CD84: variants seen among roughly 807,000 people sequenced by gnomAD.
The protein encoded by CD84 is CD84 molecule, also known as SLAM family member 5.
CD84 carries 22 observed loss-of-function variants against 33.8 expected under a neutral mutation model. That is an observed-to-expected ratio of 0.65 (90% confidence interval 0.46 to 0.93). The LOEUF is 0.93. Among genes scored for constraint, CD84 ranks in the 40% least tolerant of loss-of-function variants. CD84 has a pLI of 0.00. For missense variants in CD84, 400 were observed against 397.6 expected, an observed-to-expected ratio of 1.01 and a Z score of -0.05; for synonymous variants, 154 against 145.2, an observed-to-expected ratio of 1.06 and a Z score of -0.44.
chr1:160,551,952 A>G (rs1656259106), intron 4 of CD84, among the ~76,000 whole-genome samples: 2 of 152,240 alleles, frequency 1.3e-5, no homozygotes, highest in African/African-American at 4.8e-5. Context: ...TTAAGAATGT[A>G]TAGGCTAGAA....
At chr1:160,557,503 A>G (rs1180504608) in intron 2 of CD84, among the ~76,000 whole-genome samples, 1 of 152,222 alleles carries the variant, frequency 6.6e-6, no homozygotes, top group African/African-American at 2.4e-5. Flanking sequence ...CATCTGTCAC[A>G]ACATGGATTA....
chr1:160,576,821 C>T (rs1658015649), intron 1 of CD84, among the ~76,000 whole-genome samples: 1 of 152,064 alleles, frequency 6.6e-6, no homozygotes, highest in Non-Finnish European at 1.5e-5. Flanking sequence ...CTGTAGACTA[C>T]TTAGAGTAAT....
At chr1:160,566,709 T>A (rs1335059111) in intron 1 of CD84, among the ~76,000 whole-genome samples, 1 of 152,180 alleles carries the variant, frequency 6.6e-6, no homozygotes, top group Non-Finnish European at 1.5e-5. Flanking sequence ...GCACAAAATA[T>A]GTAAGCATTA....
chr1:160,550,620 G>C, intron 5 of CD84: 1 of 985,340 alleles, frequency 1.0e-6, no homozygotes, highest in Non-Finnish European at 1.2e-6. Context: ...CCTCACTCCA[G>C]TAGCTCCTCT....
chr1:160,546,390 C>T lies in CD84; in HGVS notation c.*1866G>A, dbSNP rs1655832757. The T allele has an allele frequency of 6.6e-6, 1 of 152,108 alleles. No homozygotes were observed. The highest frequency in any genetic ancestry group is 1.5e-5 in the Non-Finnish European group (1 of 68,036). The allele number at this position is 152,108 out of a possible 1,614,324, so 9.4% of individuals were successfully genotyped here. ...GAGATGAGTTTTAGTGATAGAAGGA[C>T]CAAAGAGGAAAAAACAGCAGTGTGA... On this transcript the variant is annotated 3_prime_UTR_variant, in exon 7 of 7. Coordinates refer to ENST00000368054, the MANE Select transcript of CD84 (RefSeq NM_003874.4).
rs76128071 is a variant in CD84 at position 160,571,916 on chromosome 1, T to C, written c.47-6171A>G. On this transcript the variant is annotated intron_variant, in intron 1 of 6. Coordinates refer to ENST00000368054, the MANE Select transcript of CD84 (RefSeq NM_003874.4). ...AAGATACACAGGCTACTAATGCTTG[T>C]CATGGAACAAAAGATGGAAAGGAAA... Among the ~76,000 whole-genome samples the C allele has an allele frequency of 8.8e-3, 1,339 of 152,048 alleles. 14 individuals carry two copies. Among genetic ancestry groups the C allele is most frequent in the African/African-American group, 0.031 (1,280 of 41,452 alleles).
In CD84 at chr1:160,550,583, A is replaced by C. The variant is rs965603390; in HGVS notation, c.858+355T>G. On this transcript the variant is annotated intron_variant, in intron 5 of 6. Coordinates refer to ENST00000368054, the MANE Select transcript of CD84 (RefSeq NM_003874.4). ...TAGCCCCCTTAGCAACCTGTTCACC[A>C]CGTTGGTAGTCACATAGCAGCCCTC... 28 of 979,252 alleles carry C rather than the reference A, an allele frequency of 2.9e-5. No individual in the cohort carries two copies. In the African/African-American group the frequency reaches 4.6e-4, roughly 16 times the overall value. 60.7% of individuals were successfully genotyped at this position (979,252 alleles called of 1,614,324 possible).
rs1367359132 is a variant in CD84, at chr1:160,545,271, G to C, written c.*2985C>G. On this transcript the variant is annotated 3_prime_UTR_variant, in exon 7 of 7. Transcript: ENST00000368054. ...TTTATTTTTGACAATATGCATAGGG[G>C]CATTAGGACACTAGTAATTTTACTT... The C allele has an allele frequency of 6.6e-6, 1 of 152,182 alleles. No individual in the cohort carries two copies. Among genetic ancestry groups the C allele is most frequent in the Non-Finnish European group, 1.5e-5 (1 of 68,030 alleles). The allele number at this position is 152,182 out of a possible 1,614,324, so 9.4% of individuals were successfully genotyped here.
At chr1:160,568,739 G>C (rs1209204253) in intron 1 of CD84, among the ~76,000 whole-genome samples, 1 of 150,460 alleles carries the variant, frequency 6.6e-6, no homozygotes, top group Non-Finnish European at 1.5e-5. Context: ...TCCTGCCTCA[G>C]CCACCCAAGT....
Position 160,548,258 on chromosome 1 carries a change from A to G in CD84, c.985T>C (p.Ter329GlnextTer11), listed in dbSNP as rs751967552. The G allele has an allele frequency of 1.2e-6, 2 of 1,614,148 alleles. No homozygotes were observed. Among genetic ancestry groups the G allele is most frequent in the Non-Finnish European group, 1.7e-6 (2 of 1,180,000 alleles). Residue 329 changes from the stop codon to glutamine, a stop_lost, in exon 7 of 7, where the codon TAG (stop) becomes CAG (glutamine). Coordinates refer to ENST00000368054, the MANE Select transcript of CD84 (RefSeq NM_003874.4). ...GAGGGAGAATTCAGCCCAGCAGCCT[A>G]GATCACAATTTCATAGCTTGAAGTC... The part of the protein sequence containing the change: ...PGTSSYEIVI[*>Q]
At chr1:160,561,525 G>A (rs1656963441) in intron 2 of CD84, among the ~76,000 whole-genome samples, 1 of 152,140 alleles carries the variant, frequency 6.6e-6, no homozygotes, top group African/African-American at 2.4e-5. Flanking sequence ...AAAATAATAA[G>A]AGCCACATAT....
At chr1:160,550,808 C>T in intron 5 of CD84, 130 bp downstream of exon 5, 2 of 1,530,504 alleles carry the variant, frequency 1.3e-6, no homozygotes, top group Admixed American at 2.1e-5. Flanking sequence ...CATGGTATTT[C>T]CTGGTTGGAA....
At position 160,547,997 on chromosome 1, in the gene CD84, A is replaced by C. The variant is rs1043401431; in HGVS notation, c.*259T>G. On this transcript the variant is annotated 3_prime_UTR_variant, in exon 7 of 7. Coordinates refer to ENST00000368054, the MANE Select transcript of CD84 (RefSeq NM_003874.4). ...ATTTTCTACATGTGCTATGATGGGA[A>C]GAAGTTTGGGAAAACTATACTAGGT... 11 of 510,892 alleles carry C rather than the reference A, an allele frequency of 2.2e-5. No individual in the cohort carries two copies. In the Admixed American group the frequency reaches 3.3e-4, roughly 15 times the overall value. 31.6% of individuals were successfully genotyped at this position (510,892 alleles called of 1,614,324 possible). A position where few individuals can be genotyped will look rare whatever the true frequency, so the allele number is the denominator to read the frequency against.
At position 160,543,921 on chromosome 1, in the gene CD84, C is replaced by T. The variant is rs1655674748; in HGVS notation, c.*4335G>A. ...GAACTTTGCCATGCACAGGCACATT[C>T]CTGTATGAGCAACACCTCATTTAAT... On this transcript the variant is annotated 3_prime_UTR_variant, in exon 7 of 7. Coordinates refer to ENST00000368054, the MANE Select transcript of CD84 (RefSeq NM_003874.4). The T allele has an allele frequency of 1.3e-5, 2 of 152,088 alleles. No individual in the cohort carries two copies. Among genetic ancestry groups the T allele is most frequent in the Non-Finnish European group, 2.9e-5 (2 of 68,028 alleles). The allele number at this position is 152,088 out of a possible 1,614,324, so 9.4% of individuals were successfully genotyped here.
At chr1:160,574,970 A>C (rs1489001285) in intron 1 of CD84, among the ~76,000 whole-genome samples, 3 of 152,178 alleles carry the variant, frequency 2.0e-5, no homozygotes, top group Admixed American at 1.3e-4. Flanking sequence ...TACGAAGGGA[A>C]AAATTAGAGT....
intron 2 of CD84, among the ~76,000 whole-genome samples, chr1:160,555,243 C>T (rs111723930): frequency 0.012 from 1,845 of 152,032 alleles, 14 homozygotes; most frequent in Middle Eastern, 0.027. Flanking sequence ...ACCACCACGC[C>T]TAATTTTGTT....
intron 2 of CD84, among the ~76,000 whole-genome samples, chr1:160,561,402 T>C (rs186161922): frequency 1.3e-5 from 2 of 151,444 alleles, no homozygotes; most frequent in African/African-American, 4.9e-5. Context: ...TAAATAGTAC[T>C]GAAGACAAAA....
intron 4 of CD84, among the ~76,000 whole-genome samples, chr1:160,552,319 C>T (rs1656287194): frequency 6.6e-6 from 1 of 152,114 alleles, no homozygotes; most frequent in Non-Finnish European, 1.5e-5. Flanking sequence ...CATTGTGAGG[C>T]CATTTGAGTA....
At chr1:160,564,824 A>T (rs1306829964) in intron 2 of CD84, among the ~76,000 whole-genome samples, 1 of 152,214 alleles carries the variant, frequency 6.6e-6, no homozygotes, top group African/African-American at 2.4e-5. Flanking sequence ...AATCTTGATT[A>T]TGGTAGTGGT....
Sources: allele counts gnomAD v4.1 joint callset (sites outside exome capture counted in the v4.1 genomes callset), GRCh38; gene constraint gnomAD v4.1.1; transcripts MANE v1.5; gene names NCBI Gene and HGNC (gene_info 2026-07-23, HGNC 2026-07-21).